The following CRPPA variants were observed in gnomAD, a reference collection of about 807,000 sequenced individuals.
CRPPA encodes the protein CDP-L-ribitol pyrophosphorylase A.
In CRPPA, 43 loss-of-function variants were observed where a neutral mutation model predicts 52.0. That is an observed-to-expected ratio of 0.83 (90% CI 0.65 to 1.07). The LOEUF (loss-of-function observed/expected upper bound fraction) is 1.07. Ranked by LOEUF, CRPPA falls within the 50% of genes least tolerant of loss-of-function variation. The probability of loss-of-function intolerance (pLI) is 0.00; values close to 1 mark genes in which losing one functional copy is unlikely to be tolerated. For synonymous variants in CRPPA, 250 were observed against 203.5 expected, an observed-to-expected ratio of 1.23 and a Z score of -1.94; for missense variants, 629 against 551.7, an observed-to-expected ratio of 1.14 and a Z score of -1.40.
intron 4 of CRPPA, among the ~76,000 whole-genome samples, chr7:16,302,579 A>G (rs537809570): frequency 1.6e-4 from 25 of 152,324 alleles, no homozygotes; most frequent in African/African-American, 6.0e-4. Context: ...CAAGTGTTCT[A>G]AAAACCCACT....
chr7:16,379,173 G>A lies in CRPPA; in HGVS notation c.535-2932C>T, dbSNP rs188686553. Among the ~76,000 whole-genome samples, 248 of 152,276 alleles carry A rather than the reference G, an allele frequency of 1.6e-3. 1 individual carries two copies. Among genetic ancestry groups the A allele is most frequent in the African/African-American group, 5.5e-3 (228 of 41,562 alleles). The stretch of plus-strand genomic sequence containing the variant: ...TTGCTTTTGGTGTTTTAGACATGAA[G>A]TTCTTGCCCATGCCTATGTCCTGAA... On this transcript the variant is annotated intron_variant, in intron 2 of 9. Transcript: ENST00000407010.
intron 5 of CRPPA, among the ~76,000 whole-genome samples, chr7:16,296,965 G>A (rs897583102): frequency 6.6e-6 from 1 of 152,122 alleles, no homozygotes; most frequent in Non-Finnish European, 1.5e-5. Flanking sequence ...CAACTCAGAG[G>A]AATCAGAGCT....
intron 3 of CRPPA, among the ~76,000 whole-genome samples, chr7:16,345,861 TC>T (rs1243056414): frequency 6.6e-6 from 1 of 152,180 alleles, no homozygotes; most frequent in East Asian, 1.9e-4. Context: ...TCAGGTTTTA[TC>T]CTCCAGAGTC....
At position 16,421,248 on chromosome 7, in the gene CRPPA, G is replaced by A. The variant is rs1292034515; in HGVS notation, c.75C>T (p.Asp25=). 7.5e-7 allele frequency: 1 copy of A among 1,324,848 alleles called. No homozygotes were observed. The highest frequency in any genetic ancestry group is 3.8e-5 in the Admixed American group (1 of 26,328). 82.1% of individuals were successfully genotyped at this position (1,324,848 alleles called of 1,614,324 possible). The part of the protein sequence containing the change: ...GPCLSGQRGA[D]HTASASLQSV... ...TCTGCAGGGAGGCGGAAGCCGTGTG[G>A]TCCGCGCCGCGCTGACCACTCAGGC... Residue 25 remains aspartate (D), a synonymous_variant, in exon 1 of 10, where the codon GAC becomes GAT. Transcript: ENST00000407010.
At chr7:16,357,115 T>A (rs1396171897) in intron 3 of CRPPA, among the ~76,000 whole-genome samples, 2 of 152,156 alleles carry the variant, frequency 1.3e-5, no homozygotes, top group Admixed American at 6.5e-5. Context: ...CCTCAGGATA[T>A]CGCCCCCTGT....
At chr7:16,264,284 T>C (rs1783894916) in intron 6 of CRPPA, among the ~76,000 whole-genome samples, 1 of 152,222 alleles carries the variant, frequency 6.6e-6, no homozygotes, top group Non-Finnish European at 1.5e-5. Flanking sequence ...AACAATCTGC[T>C]GGCTAGAGTT....
intron 9 of CRPPA, among the ~76,000 whole-genome samples, chr7:16,110,239 G>C (rs1194932795): frequency 6.6e-6 from 1 of 151,946 alleles, no homozygotes; most frequent in Non-Finnish European, 1.5e-5. Flanking sequence ...GACCTATATA[G>C]TGAAAACTGT....
At chr7:16,398,408 T>A (rs888092442) in intron 2 of CRPPA, among the ~76,000 whole-genome samples, 11 of 151,684 alleles carry the variant, frequency 7.3e-5, no homozygotes, top group African/African-American at 2.7e-4. Context: ...GTGACCAACA[T>A]AAGTGATTCA....
chr7:16,102,620 A>G (rs534420262), intron 9 of CRPPA, among the ~76,000 whole-genome samples: 3 of 149,906 alleles, frequency 2.0e-5, no homozygotes, highest in African/African-American at 7.4e-5. Flanking sequence ...GAAAAAAAAC[A>G]AACAACTGCA....
At chr7:16,400,010 A>G (rs1459869570) in intron 2 of CRPPA, among the ~76,000 whole-genome samples, 1 of 151,926 alleles carries the variant, frequency 6.6e-6, no homozygotes, top group Non-Finnish European at 1.5e-5. Flanking sequence ...CATGTGACTG[A>G]CTCGCGAATG....
intron 3 of CRPPA, among the ~76,000 whole-genome samples, chr7:16,315,987 G>T (rs367594586): frequency 4.5e-4 from 69 of 152,214 alleles, no homozygotes; most frequent in African/African-American, 1.6e-3. Flanking sequence ...TACTTGTTAG[G>T]AAGGAGTAAC....
intron 9 of CRPPA, among the ~76,000 whole-genome samples, chr7:16,192,441 T>C (rs1279349446): frequency 1.3e-5 from 2 of 152,114 alleles, no homozygotes; most frequent in Non-Finnish European, 2.9e-5. Context: ...GAGGTATTAT[T>C]GACACTACAA....
chr7:16,364,581 A>C (rs1467069030), intron 3 of CRPPA, among the ~76,000 whole-genome samples: 1 of 152,230 alleles, frequency 6.6e-6, no homozygotes, highest in South Asian at 2.1e-4. Flanking sequence ...TTGCTCAGTG[A>C]AATTGGCATG....
intron 8 of CRPPA, among the ~76,000 whole-genome samples, chr7:16,240,572 T>TACACACACACACACACAC (rs71549978): frequency 2.7e-5 from 4 of 148,124 alleles, no homozygotes; most frequent in Admixed American, 6.7e-5. Flanking sequence ...TTATTACACA[T>TACACACACACACACACAC]ACACACACAC....
At chr7:16,379,745 G>GA (rs1164095018) in intron 2 of CRPPA, among the ~76,000 whole-genome samples, 2 of 152,094 alleles carry the variant, frequency 1.3e-5, no homozygotes, top group Non-Finnish European at 2.9e-5. Flanking sequence ...TTATTCCTTT[G>GA]AAGCAATTGT....
At position 16,333,090 on chromosome 7, in the gene CRPPA, G is replaced by C. The variant is rs533240288; in HGVS notation, c.685-24463C>G. On this transcript the variant is annotated intron_variant, in intron 3 of 9. Coordinates refer to ENST00000407010, the MANE Select transcript of CRPPA (RefSeq NM_001101426.4). ...GACATAATAATCTTCAATGTGCCTG[G>C]ACCTAACAAGAGAGGGTGAAAACAG... Among the ~76,000 whole-genome samples, 7 of 152,234 alleles carry C rather than the reference G, an allele frequency of 4.6e-5. No individual in the cohort carries two copies. In the South Asian group the frequency reaches 1.0e-3, roughly 23 times the overall value.
At chr7:16,275,718 G>A (rs1166504619) in intron 6 of CRPPA, among the ~76,000 whole-genome samples, 1 of 152,108 alleles carries the variant, frequency 6.6e-6, no homozygotes, top group African/African-American at 2.4e-5. Flanking sequence ...TGTGGTCCCA[G>A]CTACTCAGGA....
At chr7:16,329,390 G>A (rs1785496708) in intron 3 of CRPPA, among the ~76,000 whole-genome samples, 1 of 152,156 alleles carries the variant, frequency 6.6e-6, no homozygotes, top group Non-Finnish European at 1.5e-5. Context: ...TGTAAGTGAA[G>A]TGCATGGCCC....
chr7:16,340,746 T>C (rs1188640369), intron 3 of CRPPA, among the ~76,000 whole-genome samples: 2 of 152,130 alleles, frequency 1.3e-5, no homozygotes, highest in Admixed American at 6.5e-5. Context: ...CCAGCAATCT[T>C]ACTCCTTAAT....
Sources: allele counts gnomAD v4.1 joint callset (sites outside exome capture counted in the v4.1 genomes callset), GRCh38; gene constraint gnomAD v4.1.1; transcripts MANE v1.5; gene names NCBI Gene and HGNC (gene_info 2026-07-23, HGNC 2026-07-21).